Variants in HMCN1 observed in about 807,000 individuals in gnomAD.
The protein encoded by HMCN1 is hemicentin-1.
HMCN1 carries 321 observed loss-of-function variants against 625.9 expected under a neutral mutation model. The observed-to-expected ratio is 0.51, with a 90% confidence interval of 0.47 to 0.56. HMCN1 has a LOEUF of 0.56. Ranked by LOEUF, HMCN1 falls within the 20% of genes least tolerant of loss-of-function variation. The pLI, the probability that HMCN1 is intolerant of heterozygous loss-of-function variation, is 0.00. For synonymous variants in HMCN1, 2,425 were observed against 2,417.6 expected (o/e 1.00, Z -0.09); for missense variants, 6,588 against 6,887.3 (o/e 0.96, Z 1.54).
At chr1:186,128,596 C>A (rs940097372) in intron 83 of HMCN1, among the ~76,000 whole-genome samples, 1 of 151,982 alleles carries the variant, frequency 6.6e-6, no homozygotes, top group Non-Finnish European at 1.5e-5. Flanking sequence ...AAACTTATCC[C>A]AGCTGGACCC....
At chr1:185,802,889 GTGTTTTGT>G (rs1658893762) in intron 1 of HMCN1, among the ~76,000 whole-genome samples, 1 of 151,988 alleles carries the variant, frequency 6.6e-6, no homozygotes, top group South Asian at 2.1e-4. Context: ...GAACAGGGAG[GTGTTTTGT>G]TGTTTTGTTT....
intron 30 of HMCN1, among the ~76,000 whole-genome samples, chr1:186,010,177 C>CTG (rs1385799632): frequency 6.6e-6 from 1 of 151,494 alleles, no homozygotes; most frequent in East Asian, 1.9e-4. Flanking sequence ...GTGTGCGTGT[C>CTG]TGTGTGTGTG....
At chr1:185,873,470 T>A (rs1381418825) in intron 4 of HMCN1, among the ~76,000 whole-genome samples, 1 of 152,096 alleles carries the variant, frequency 6.6e-6, no homozygotes, top group East Asian at 1.9e-4. Flanking sequence ...GACCATGATC[T>A]CTTGAAGTTT....
intron 1 of HMCN1, among the ~76,000 whole-genome samples, chr1:185,831,392 T>C (rs1357491113): frequency 6.6e-6 from 1 of 152,140 alleles, no homozygotes; most frequent in Non-Finnish European, 1.5e-5. Flanking sequence ...GATATATATT[T>C]TCATAACCTG....
At chr1:185,916,307 G>T (rs1666698559) in intron 6 of HMCN1, among the ~76,000 whole-genome samples, 1 of 151,994 alleles carries the variant, frequency 6.6e-6, no homozygotes, top group African/African-American at 2.4e-5. Context: ...TTGAAAAGAG[G>T]TCGACATCTA....
intron 104 of HMCN1, 118 bp downstream of exon 104, chr1:186,178,884 G>A (rs751869594): frequency 8.9e-6 from 7 of 786,324 alleles, no homozygotes; most frequent in Middle Eastern, 3.3e-4. Context: ...AGTTCGGAAT[G>A]ACTCAAAATT....
At chr1:185,918,623 C>T (rs1046689430) in intron 6 of HMCN1, among the ~76,000 whole-genome samples, 4 of 152,160 alleles carry the variant, frequency 2.6e-5, no homozygotes, top group African/African-American at 9.7e-5. Context: ...CTCATCTTTG[C>T]CAAACCGTGA....
intron 30 of HMCN1, among the ~76,000 whole-genome samples, chr1:186,012,109 T>C (rs1654039310): frequency 3.0e-5 from 4 of 133,874 alleles, no homozygotes; most frequent in Admixed American, 2.3e-4. Flanking sequence ...TTAACACTAC[T>C]GGTTCAATGA....
chr1:185,748,850 G>A (rs1369103192), intron 1 of HMCN1, among the ~76,000 whole-genome samples: 1 of 152,188 alleles, frequency 6.6e-6, no homozygotes, highest in Middle Eastern at 3.2e-3. Flanking sequence ...AAGGACCCAA[G>A]AGTGTCCTAT....
intron 11 of HMCN1, among the ~76,000 whole-genome samples, chr1:185,943,574 A>G (rs1454428077): frequency 1.3e-5 from 2 of 152,164 alleles, no homozygotes; most frequent in African/African-American, 4.8e-5. Context: ...TACAAAGTAT[A>G]TGGGAGGTGG....
intron 11 of HMCN1, among the ~76,000 whole-genome samples, chr1:185,962,269 C>T (rs2102557198): frequency 1.3e-5 from 2 of 152,236 alleles, no homozygotes; most frequent in South Asian, 4.1e-4. Context: ...CAGCAAGGGG[C>T]TTCATGGTAA....
At chr1:186,051,125 G>A (rs557652374) in intron 42 of HMCN1, among the ~76,000 whole-genome samples, 7 of 151,670 alleles carry the variant, frequency 4.6e-5, no homozygotes, top group African/African-American at 1.2e-4. Context: ...TAGATAAAAA[G>A]GTAAAAATAG....
intron 2 of HMCN1, among the ~76,000 whole-genome samples, chr1:185,847,701 G>C (rs1661910944): frequency 6.6e-6 from 1 of 152,092 alleles, no homozygotes; most frequent in African/African-American, 2.4e-5. Context: ...TGTAATCCCA[G>C]TGCTGCTTTG....
chr1:186,154,554 A>G (rs889925483), intron 97 of HMCN1, among the ~76,000 whole-genome samples: 3 of 152,168 alleles, frequency 2.0e-5, no homozygotes, highest in Non-Finnish European at 2.9e-5. Context: ...ATGTGTCCAA[A>G]TGCTTTTTAT....
intron 14 of HMCN1, among the ~76,000 whole-genome samples, chr1:185,967,457 G>T (rs1008713426): frequency 6.6e-5 from 10 of 152,116 alleles, no homozygotes; most frequent in African/African-American, 2.2e-4. Context: ...TGCTGTCCAA[G>T]TTATGAACCA....
At chr1:186,168,920 G>A (rs1046275594) in intron 100 of HMCN1, among the ~76,000 whole-genome samples, 14 of 150,128 alleles carry the variant, frequency 9.3e-5, no homozygotes, top group East Asian at 6.1e-4. Flanking sequence ...CCTAACCCCC[G>A]CCCAATCCCT....
In HMCN1 at chr1:185,850,754, GC is replaced by G. The variant is rs1487929569; in HGVS notation, c.339+4659del. On this transcript the variant is annotated intron_variant, in intron 2 of 106. Transcript: ENST00000271588. Reference sequence around the variant, plus strand: ...TTCTCTGTAGGTTTCCCCTGGACAGGCTTTATCTTATGGGATTTTCTTTTTT... The same window carrying G: ...TTCTCTGTAGGTTTCCCCTGGACAGGTTTATCTTATGGGATTTTCTTTTTT... Among the ~76,000 whole-genome samples the G allele has an allele frequency of 2.6e-5, 4 of 151,840 alleles. No homozygotes were observed. In the East Asian group the frequency reaches 7.7e-4, roughly 29 times the overall value.
At chr1:185,911,018 G>A (rs372675820) in intron 5 of HMCN1, among the ~76,000 whole-genome samples, 3 of 152,238 alleles carry the variant, frequency 2.0e-5, no homozygotes, top group Middle Eastern at 3.4e-3. Context: ...AGGTCAGTAG[G>A]CAATGGTATC....
chr1:185,739,616 G>A (rs980191661), intron 1 of HMCN1, among the ~76,000 whole-genome samples: 5 of 152,094 alleles, frequency 3.3e-5, no homozygotes, highest in African/African-American at 1.2e-4. Flanking sequence ...TCTTACATGA[G>A]TCTCCATGCA....
Sources: gnomAD v4.1 joint callset for allele counts (sites outside exome capture counted in the v4.1 genomes callset) on GRCh38, gnomAD v4.1.1 for gene constraint, MANE v1.5 for transcripts, NCBI Gene and HGNC (gene_info 2026-07-23, HGNC 2026-07-21) for gene names.